The following CTNND2 variants were observed in gnomAD, a reference collection of about 807,000 sequenced individuals.
The protein encoded by CTNND2 is catenin delta 2, also known as catenin delta-2.
Under a neutral mutation model 144.4 loss-of-function variants are expected in CTNND2, and 22 were observed. The ratio of observed to expected loss-of-function variants is 0.15; its 90% CI spans 0.11 to 0.22. The LOEUF is 0.22. Ranked by LOEUF, CTNND2 falls within the 10% of genes least tolerant of loss-of-function variation. CTNND2 has a pLI of 1.00. For synonymous variants in CTNND2, 751 were observed against 695.6 expected (o/e 1.08, Z -1.25); for missense variants, 1,353 against 1,618.8 (o/e 0.84, Z 2.82).
chr5:11,191,436 G>A (rs1429665549), intron 11 of CTNND2, among the ~76,000 whole-genome samples: 2 of 152,206 alleles, frequency 1.3e-5, no homozygotes, highest in Admixed American at 6.5e-5. Flanking sequence ...CATTATGTAG[G>A]AAGGGAAAGA....
chr5:11,834,864 G>C (rs985297557), intron 1 of CTNND2, among the ~76,000 whole-genome samples: 4 of 152,218 alleles, frequency 2.6e-5, no homozygotes, highest in Non-Finnish European at 5.9e-5. Flanking sequence ...GATGGAGCCA[G>C]GTACAGTGGC....
intron 3 of CTNND2, among the ~76,000 whole-genome samples, chr5:11,549,452 C>T (rs78743770): frequency 0.03 from 4,621 of 152,234 alleles, 225 homozygotes; most frequent in East Asian, 0.23. Context: ...ACCCCAGCAT[C>T]CACTCACCCC....
chr5:11,629,079 T>C (rs1300605821), intron 2 of CTNND2, among the ~76,000 whole-genome samples: 1 of 152,020 alleles, frequency 6.6e-6, no homozygotes, highest in Non-Finnish European at 1.5e-5. Flanking sequence ...TGCAAGTTCC[T>C]TTCCTACTCT....
At chr5:11,850,666 C>T (rs190480609) in intron 1 of CTNND2, among the ~76,000 whole-genome samples, 313 of 152,284 alleles carry the variant, frequency 2.1e-3, no homozygotes, top group African/African-American at 7.0e-3. Context: ...TAATAACACC[C>T]AGAGTGCCAA....
intron 2 of CTNND2, among the ~76,000 whole-genome samples, chr5:11,690,215 C>T (rs970514132): frequency 9.2e-5 from 14 of 152,078 alleles, no homozygotes; most frequent in African/African-American, 3.1e-4. Flanking sequence ...ATGTATCCAC[C>T]GACTGGTGCA....
chr5:11,385,498 G>T (rs554617699), intron 6 of CTNND2, among the ~76,000 whole-genome samples: 2 of 152,322 alleles, frequency 1.3e-5, no homozygotes, highest in African/African-American at 4.8e-5. Flanking sequence ...CTTACATGTA[G>T]ATGTTATTTC....
intron 12 of CTNND2, among the ~76,000 whole-genome samples, chr5:11,156,089 T>C (rs1211305973): frequency 6.6e-6 from 1 of 152,146 alleles, no homozygotes; most frequent in Non-Finnish European, 1.5e-5. Context: ...ATCCACTGCC[T>C]AGAGGAAAGC....
At chr5:11,352,719 A>G (rs1755451179) in intron 8 of CTNND2, among the ~76,000 whole-genome samples, 1 of 152,224 alleles carries the variant, frequency 6.6e-6, no homozygotes, top group Non-Finnish European at 1.5e-5. Flanking sequence ...CAAGCTCCTC[A>G]TTAGGTCTTC....
intron 17 of CTNND2, among the ~76,000 whole-genome samples, chr5:11,020,741 A>T (rs1005030966): frequency 6.6e-6 from 1 of 150,462 alleles, no homozygotes; most frequent in Non-Finnish European, 1.5e-5. Context: ...TATATATATA[A>T]AAAAAGAGAT....
chr5:11,156,010 C>G (rs1758185784), intron 12 of CTNND2, among the ~76,000 whole-genome samples: 1 of 152,114 alleles, frequency 6.6e-6, no homozygotes, highest in Non-Finnish European at 1.5e-5. Context: ...TAGTCTACGA[C>G]CTGGAGGTGG....
Position 10,973,378 on chromosome 5 carries a change from AAAAAC to A in CTNND2, c.*70_*74del. ...TTAACAAACTAAATTTGCAGGAGAA[AAAAAC>A]AAAACAGAAAGAAATGTCTTGTGGT... On this transcript the variant is annotated 3_prime_UTR_variant, in exon 22 of 22. Transcript: ENST00000304623. The surrounding 1 kb of genome is among the most constrained non-coding windows in gnomAD (Gnocchi z 5.6). The A allele has an allele frequency of 7.0e-7, 1 of 1,437,620 alleles. No homozygotes were observed. The highest frequency in any genetic ancestry group is 9.2e-7 in the Non-Finnish European group (1 of 1,089,800). 89.1% of individuals were successfully genotyped at this position (1,437,620 alleles called of 1,614,324 possible). A position where few individuals can be genotyped will look rare whatever the true frequency, so the allele number is the denominator to read the frequency against.
At position 11,872,749 on chromosome 5, in the gene CTNND2, G is replaced by C. The variant is rs1428210324; in HGVS notation, c.37+31068C>G. 2.0e-5 allele frequency among the ~76,000 whole-genome samples: 3 copies of C among 151,474 alleles called. No individual in the cohort carries two copies. In the East Asian group the frequency reaches 5.9e-4, roughly 30 times the overall value. On this transcript the variant is annotated intron_variant, in intron 1 of 21. Transcript: ENST00000304623. ...GGGTTGTTTTTTTTCTTGTAAATTTGTTTAAGTTCCTTGCAGATTCTGGAT... is the reference window on the plus strand; with the variant it reads ...GGGTTGTTTTTTTTCTTGTAAATTTCTTTAAGTTCCTTGCAGATTCTGGAT...
intron 16 of CTNND2, among the ~76,000 whole-genome samples, chr5:11,076,493 T>G: frequency 6.6e-6 from 1 of 152,344 alleles, no homozygotes; most frequent in South Asian, 2.1e-4. Flanking sequence ...ATTCCTTTTT[T>G]AAACCTTCCA....
At chr5:11,200,962 A>C (rs1561012401) in intron 10 of CTNND2, among the ~76,000 whole-genome samples, 3 of 152,252 alleles carry the variant, frequency 2.0e-5, no homozygotes, top group Admixed American at 6.5e-5. Context: ...TACAGGCGTG[A>C]GCCACCGTGC....
At chr5:11,694,427 C>CAA (rs367663248) in intron 2 of CTNND2, among the ~76,000 whole-genome samples, 1 of 102,878 alleles carries the variant, frequency 9.7e-6, no homozygotes, top group South Asian at 3.3e-4. Flanking sequence ...CAGAGTCTCT[C>CAA]AAAAAAAAAA....
intron 1 of CTNND2, among the ~76,000 whole-genome samples, chr5:11,759,029 A>T (rs1789105365): frequency 6.6e-6 from 1 of 152,072 alleles, no homozygotes; most frequent in South Asian, 2.1e-4. Context: ...TAAAACAAGA[A>T]TAACCTGTGG....
chr5:11,561,719 A>T (rs940738378), intron 3 of CTNND2, among the ~76,000 whole-genome samples: 1 of 151,960 alleles, frequency 6.6e-6, no homozygotes, highest in Non-Finnish European at 1.5e-5. Context: ...ATTTTTTTTT[A>T]AAGTTGAAAT....
At chr5:11,065,392 T>C (rs891567575) in intron 16 of CTNND2, among the ~76,000 whole-genome samples, 11 of 152,252 alleles carry the variant, frequency 7.2e-5, no homozygotes, top group African/African-American at 2.7e-4. Flanking sequence ...GTGTATACTT[T>C]AAATATTTAT....
At chr5:11,705,062 T>C (rs762186476) in intron 2 of CTNND2, among the ~76,000 whole-genome samples, 5 of 151,938 alleles carry the variant, frequency 3.3e-5, no homozygotes, top group African/African-American at 1.2e-4. Context: ...TGTCTGAAGA[T>C]AAATCCAGAA....
Sources: allele counts gnomAD v4.1 joint callset (sites outside exome capture counted in the v4.1 genomes callset), GRCh38; gene constraint gnomAD v4.1.1; non-coding constraint Gnocchi (gnomAD v3.1); transcripts MANE v1.5; gene names NCBI Gene and HGNC (gene_info 2026-07-23, HGNC 2026-07-21).